CSMD1: variants seen among roughly 807,000 people sequenced by gnomAD.
The protein encoded by CSMD1 is CUB and Sushi multiple domains 1.
Under a neutral mutation model 417.5 loss-of-function variants are expected in CSMD1, and 213 were observed. The ratio of observed to expected loss-of-function variants is 0.51; its 90% CI spans 0.46 to 0.57. The LOEUF is 0.57. Ranked by LOEUF, CSMD1 falls within the 20% of genes least tolerant of loss-of-function variation. The probability of loss-of-function intolerance (pLI) is 0.00; values close to 1 mark genes in which losing one functional copy is unlikely to be tolerated. For missense variants in CSMD1, 6,923 were observed against 4,529.7 expected, an observed-to-expected ratio of 1.53 and a Z score of -15.17; for synonymous variants, 2,862 against 1,736.8, an observed-to-expected ratio of 1.65 and a Z score of -16.11.
chr8:3,449,672 C>A (rs1465500162), intron 12 of CSMD1, among the ~76,000 whole-genome samples: 1 of 152,080 alleles, frequency 6.6e-6, no homozygotes, highest in Non-Finnish European at 1.5e-5. Context: ...TGACTGCAAC[C>A]ATGCCTGGCT....
chr8:3,021,755 C>T (rs1303393366), intron 51 of CSMD1, among the ~76,000 whole-genome samples: 1 of 118,006 alleles, frequency 8.5e-6, no homozygotes, highest in African/African-American at 2.8e-5. Context: ...ACCTGCAATC[C>T]CACAGCATCC....
At chr8:4,521,215 A>C (rs1404779609) in intron 2 of CSMD1, among the ~76,000 whole-genome samples, 1 of 152,144 alleles carries the variant, frequency 6.6e-6, no homozygotes, top group Non-Finnish European at 1.5e-5. Context: ...AAAATACTAA[A>C]ATGTAACAAA....
In CSMD1 at chr8:4,064,740, G is replaced by C. The variant is rs551112860; in HGVS notation, c.416-32641C>G. Among the ~76,000 whole-genome samples, 5 of 152,240 alleles carry C rather than the reference G, an allele frequency of 3.3e-5. No individual in the cohort carries two copies. The South Asian group carries it at 8.3e-4, about 25-fold the overall frequency. The stretch of plus-strand genomic sequence containing the variant: ...ATCCGTACTCAACCTTCACAACCGA[G>C]ATCTCTCAGTACTGCTGTGGAAACA... On this transcript the variant is annotated intron_variant, in intron 3 of 69. Coordinates refer to ENST00000635120, the MANE Select transcript of CSMD1 (RefSeq NM_033225.6).
intron 7 of CSMD1, among the ~76,000 whole-genome samples, chr8:3,624,957 G>C (rs1408085531): frequency 6.6e-6 from 1 of 152,086 alleles, no homozygotes; most frequent in African/African-American, 2.4e-5. Context: ...AACTTGATTA[G>C]ATGACAATTT....
intron 10 of CSMD1, among the ~76,000 whole-genome samples, chr8:3,563,370 C>A (rs1050871591): frequency 1.8e-5 from 2 of 108,160 alleles, no homozygotes; most frequent in Middle Eastern, 7.6e-3. Context: ...TATTTAAGTA[C>A]GACAAATACT....
At chr8:4,116,123 G>A (rs556760570) in intron 3 of CSMD1, among the ~76,000 whole-genome samples, 1 of 151,810 alleles carries the variant, frequency 6.6e-6, no homozygotes, top group South Asian at 2.1e-4. Context: ...CTCCCAAGTA[G>A]CTGGGATTTA....
intron 5 of CSMD1, among the ~76,000 whole-genome samples, chr8:3,994,906 G>C (rs73501252): frequency 0.018 from 2,674 of 152,118 alleles, 90 homozygotes; most frequent in African/African-American, 0.061. Flanking sequence ...TTTAAAAATA[G>C]ATTATTGGAA....
At chr8:3,857,713 G>A (rs950288502) in intron 5 of CSMD1, among the ~76,000 whole-genome samples, 1 of 152,194 alleles carries the variant, frequency 6.6e-6, no homozygotes, top group African/African-American at 2.4e-5. Context: ...TACCAGGTGT[G>A]ATGATCCATT....
intron 7 of CSMD1, among the ~76,000 whole-genome samples, chr8:3,697,613 C>G (rs1477333008): frequency 1.3e-5 from 2 of 152,074 alleles, no homozygotes; most frequent in Admixed American, 6.6e-5. Flanking sequence ...CCCCTTCTGA[C>G]TGCTGCTGGA....
intron 5 of CSMD1, among the ~76,000 whole-genome samples, chr8:3,814,862 C>T (rs138876589): frequency 2.0e-5 from 3 of 152,218 alleles, no homozygotes; most frequent in African/African-American, 7.2e-5. Flanking sequence ...ACTAGACACA[C>T]CCACTTGTGT....
chr8:3,214,394 C>T (rs111468403), intron 30 of CSMD1, 103 bp downstream of exon 30: 164 of 984,164 alleles, frequency 1.7e-4, no homozygotes, highest in African/African-American at 1.0e-3. Context: ...TCCTCACCAC[C>T]GATGAGAGGA....
At chr8:3,344,751 T>C (rs927630328) in intron 22 of CSMD1, among the ~76,000 whole-genome samples, 2 of 152,208 alleles carry the variant, frequency 1.3e-5, no homozygotes, top group African/African-American at 4.8e-5. Context: ...TTTCAATCAA[T>C]ATATAAACCC....
chr8:3,666,406 A>T (rs142682883), intron 7 of CSMD1, among the ~76,000 whole-genome samples: 120 of 152,346 alleles, frequency 7.9e-4, no homozygotes, highest in Non-Finnish European at 1.5e-3. Context: ...ATTTGAAAAT[A>T]TCTGATTTTA....
At chr8:4,354,284 A>G (rs1045077596) in intron 3 of CSMD1, among the ~76,000 whole-genome samples, 2 of 152,202 alleles carry the variant, frequency 1.3e-5, no homozygotes, top group African/African-American at 4.8e-5. Flanking sequence ...CAAAGTAACC[A>G]AGTTACTCAG....
At chr8:3,131,980 C>G (rs767526028) in intron 41 of CSMD1, among the ~76,000 whole-genome samples, 2 of 152,192 alleles carry the variant, frequency 1.3e-5, no homozygotes, top group Non-Finnish European at 2.9e-5. Context: ...CAAATTCCTT[C>G]ACAATCCAAT....
chr8:3,492,354 C>A lies in CSMD1; in HGVS notation c.1448+1269G>T, dbSNP rs560399961. 1.0e-3 allele frequency among the ~76,000 whole-genome samples: 157 copies of A among 152,188 alleles called. 1 individual carries two copies. The highest frequency in any genetic ancestry group is 3.4e-3 in the African/African-American group (143 of 41,512). Reference sequence around the variant, plus strand: ...CATGGGTGTCTCACATAGGGCAGACCAGCTCATCTGGCACCACAGAAACTC... The same window carrying A: ...CATGGGTGTCTCACATAGGGCAGACAAGCTCATCTGGCACCACAGAAACTC... On this transcript the variant is annotated intron_variant, in intron 11 of 69. Transcript: ENST00000635120.
chr8:3,380,237 C>T (rs776119936), intron 18 of CSMD1, among the ~76,000 whole-genome samples: 3 of 152,114 alleles, frequency 2.0e-5, no homozygotes, highest in Admixed American at 2.0e-4. Context: ...AGTCAGGAAA[C>T]AACAGATGCT....
chr8:3,280,650 C>T (rs1802663170), intron 26 of CSMD1, among the ~76,000 whole-genome samples: 1 of 152,120 alleles, frequency 6.6e-6, no homozygotes, highest in African/African-American at 2.4e-5. Flanking sequence ...TGTCAACATT[C>T]AATCATTTTT....
At chr8:3,242,295 A>AGGGG in intron 26 of CSMD1, among the ~76,000 whole-genome samples, 1 of 149,668 alleles carries the variant, frequency 6.7e-6, no homozygotes, top group African/African-American at 2.5e-5. Flanking sequence ...CCTGGGGAGG[A>AGGGG]AGGGAGAGGT....
Sources: gnomAD v4.1 joint callset for allele counts (sites outside exome capture counted in the v4.1 genomes callset) on GRCh38, gnomAD v4.1.1 for gene constraint, MANE v1.5 for transcripts, NCBI Gene and HGNC (gene_info 2026-07-23, HGNC 2026-07-21) for gene names.